FAM107B: variants seen among roughly 807,000 people sequenced by gnomAD.
FAM107B encodes the protein protein FAM107B.
FAM107B carries 21 observed loss-of-function variants against 31.5 expected under a neutral mutation model. The ratio of observed to expected loss-of-function variants is 0.67; its 90% CI spans 0.47 to 0.96. FAM107B has a LOEUF of 0.96. Ranked by LOEUF, FAM107B falls within the 40% of genes least tolerant of loss-of-function variation. The pLI is 0.00. For synonymous variants in FAM107B, 157 were observed against 141.5 expected (o/e 1.11, Z -0.78); for missense variants, 452 against 377.1 (o/e 1.20, Z -1.64).
chr10:14,723,081 G>A lies in FAM107B; in HGVS notation c.411+51172C>T, dbSNP rs572052342. ...TGTGTCTTATATTTAGGTCTTCTTTGGCATGTATCTTTTTTTCTTAAGAGA... is the reference window on the plus strand; with the variant it reads ...TGTGTCTTATATTTAGGTCTTCTTTAGCATGTATCTTTTTTTCTTAAGAGA... On this transcript the variant is annotated intron_variant, in intron 1 of 4. Transcript: ENST00000181796. The A allele has an allele frequency of 8.1e-6, 3 of 370,710 alleles. No individual in the cohort carries two copies. In the East Asian group the frequency reaches 2.1e-4, roughly 26 times the overall value. The allele number at this position is 370,710 out of a possible 1,614,324, so 23.0% of individuals were successfully genotyped here. A position where few individuals can be genotyped will look rare whatever the true frequency, so the allele number is the denominator to read the frequency against.
chr10:14,700,829 A>C (rs1588715031), intron 1 of FAM107B, among the ~76,000 whole-genome samples: 1 of 8,862 alleles, frequency 1.1e-4, no homozygotes. Context: ...GCAAGAGGCA[A>C]AAAAAAAAAA....
intron 1 of FAM107B, among the ~76,000 whole-genome samples, chr10:14,680,876 C>A (rs139097470): frequency 6.6e-6 from 1 of 152,286 alleles, no homozygotes; most frequent in Non-Finnish European, 1.5e-5. Flanking sequence ...TCTTCTCTTT[C>A]CATCCACAGT....
chr10:14,703,331 T>C (rs1024179069), intron 1 of FAM107B, among the ~76,000 whole-genome samples: 9 of 151,062 alleles, frequency 6.0e-5, no homozygotes, highest in South Asian at 2.1e-4. Flanking sequence ...CTTCTTCTTT[T>C]TTTTTTTTTT....
At chr10:14,707,049 C>T (rs986170765) in intron 1 of FAM107B, among the ~76,000 whole-genome samples, 19 of 152,058 alleles carry the variant, frequency 1.2e-4, no homozygotes, top group African/African-American at 3.6e-4. Flanking sequence ...TGCTTGAACC[C>T]GGGAAGGCGG....
intron 2 of FAM107B, among the ~76,000 whole-genome samples, chr10:14,617,884 G>T (rs1588661403): frequency 6.6e-6 from 1 of 152,202 alleles, no homozygotes; most frequent in Non-Finnish European, 1.5e-5. Flanking sequence ...TTGAAGCTGG[G>T]AGGTGGGGTT....
intron 1 of FAM107B, among the ~76,000 whole-genome samples, chr10:14,734,696 G>T (rs968561190): frequency 6.6e-6 from 1 of 151,912 alleles, no homozygotes; most frequent in Non-Finnish European, 1.5e-5. Flanking sequence ...TGACAATTTG[G>T]GTCTATAAAT....
chr10:14,593,301 A>G lies in FAM107B; in HGVS notation c.470-62786T>C, dbSNP rs371194359. On this transcript the variant is annotated intron_variant, in intron 2 of 4. Transcript: ENST00000181796. ...CGTGAAAAATAAGTTTAACGACACCATAATTCCATTTGAGAAAGTTTAGGA... is the reference window on the plus strand; with the variant it reads ...CGTGAAAAATAAGTTTAACGACACCGTAATTCCATTTGAGAAAGTTTAGGA... 2.0e-5 allele frequency among the ~76,000 whole-genome samples: 3 copies of G among 152,306 alleles called. No individual in the cohort carries two copies. The East Asian group carries it at 5.8e-4, about 29-fold the overall frequency.
At chr10:14,759,489 T>A (rs968345213) in intron 1 of FAM107B, among the ~76,000 whole-genome samples, 1 of 152,154 alleles carries the variant, frequency 6.6e-6, no homozygotes. Flanking sequence ...GACGCACTTA[T>A]CAAATGACAC....
chr10:14,709,351 T>C (rs960113857), intron 1 of FAM107B, among the ~76,000 whole-genome samples: 1 of 152,236 alleles, frequency 6.6e-6, no homozygotes, highest in African/African-American at 2.4e-5. Context: ...AGACGTTTAA[T>C]GAACTTACAG....
intron 2 of FAM107B, among the ~76,000 whole-genome samples, chr10:14,628,905 A>G (rs894274381): frequency 6.6e-6 from 1 of 152,142 alleles, no homozygotes; most frequent in Non-Finnish European, 1.5e-5. Context: ...GGTATGACTA[A>G]TAGATTTAGA....
intron 2 of FAM107B, among the ~76,000 whole-genome samples, chr10:14,569,112 G>A (rs1850963641): frequency 6.6e-6 from 1 of 152,108 alleles, no homozygotes; most frequent in Non-Finnish European, 1.5e-5. Flanking sequence ...ATTCTCAAAG[G>A]TCTGTTTCAC....
intron 3 of FAM107B, among the ~76,000 whole-genome samples, chr10:14,524,027 C>T (rs1845952101): frequency 7.2e-6 from 1 of 139,566 alleles, no homozygotes; most frequent in Admixed American, 7.6e-5. Context: ...CCACCACGCC[C>T]AGCTCTATTT....
At position 14,649,219 on chromosome 10, in the gene FAM107B, C is replaced by T. The variant is rs76986487; in HGVS notation, c.469+18415G>A. Among the ~76,000 whole-genome samples, 152 of 152,282 alleles carry T rather than the reference C, an allele frequency of 1.0e-3. 2 individuals carry two copies. The East Asian group carries it at 0.026, about 26-fold the overall frequency. On this transcript the variant is annotated intron_variant, in intron 2 of 4. Coordinates refer to ENST00000181796, the MANE Select transcript of FAM107B (RefSeq NM_031453.4). ...CATAAGACTGACAAAACAGACTCTG[C>T]GTAGCAATAAGATAACCACATGACA...
intron 1 of FAM107B, among the ~76,000 whole-genome samples, chr10:14,699,963 C>T (rs536209820): frequency 2.0e-5 from 3 of 152,200 alleles, no homozygotes; most frequent in Admixed American, 6.5e-5. Context: ...GATGGACTCC[C>T]GCTCTGTTGC....
chr10:14,578,038 G>A (rs376975590), intron 2 of FAM107B, among the ~76,000 whole-genome samples: 3 of 152,242 alleles, frequency 2.0e-5, no homozygotes, highest in East Asian at 3.9e-4. Context: ...TTAAATAAGA[G>A]CTTCACAGGG....
intron 1 of FAM107B, among the ~76,000 whole-genome samples, chr10:14,713,679 A>G (rs1328088742): frequency 1.3e-5 from 2 of 152,196 alleles, no homozygotes; most frequent in African/African-American, 4.8e-5. Context: ...ATTTGATGTC[A>G]TTTGAAACAA....
chr10:14,683,283 T>C (rs1414730000), intron 1 of FAM107B, among the ~76,000 whole-genome samples: 1 of 152,194 alleles, frequency 6.6e-6, no homozygotes, highest in African/African-American at 2.4e-5. Flanking sequence ...AAGAACTCAC[T>C]GAGGAGAATT....
chr10:14,530,647 T>A, intron 2 of FAM107B, 132 bp from the exon 3 acceptor site: 1 of 733,418 alleles, frequency 1.4e-6, no homozygotes, highest in Non-Finnish European at 2.2e-6. Context: ...GGGGCATCGC[T>A]GATAAATATT....
At chr10:14,580,250 C>T (rs1851592343) in intron 2 of FAM107B, among the ~76,000 whole-genome samples, 1 of 151,930 alleles carries the variant, frequency 6.6e-6, no homozygotes, top group African/African-American at 2.4e-5. Flanking sequence ...GCCCCAGCTA[C>T]TTGGGAGGCT....
Sources: allele counts gnomAD v4.1 joint callset (sites outside exome capture counted in the v4.1 genomes callset), GRCh38; gene constraint gnomAD v4.1.1; transcripts MANE v1.5; gene names NCBI Gene and HGNC (gene_info 2026-07-23, HGNC 2026-07-21).